ZDHHC1: variants seen among roughly 807,000 people sequenced by gnomAD.
ZDHHC1 encodes palmitoyltransferase ZDHHC1.
In ZDHHC1, 45 loss-of-function variants were observed where a neutral mutation model predicts 46.9. The observed-to-expected ratio is 0.96, with a 90% CI of 0.76 to 1.23. The LOEUF is 1.23. Ranked by LOEUF, ZDHHC1 falls within the 50% of genes most tolerant of loss-of-function variation. The pLI is 0.00. For missense variants in ZDHHC1, 649 were observed against 670.8 expected (o/e 0.97, Z 0.36); for synonymous variants, 291 against 286.0 (o/e 1.02, Z -0.18).
rs775156668 is a variant in ZDHHC1, at chr16:67,406,333, C to T, written c.119G>A (p.Arg40His). ...PSPELQGQRS[R>H]RNGWSWPPHP... is the part of the protein sequence containing the mutation. ...AGGGGGCCAGCTCCACCCATTCCGG[C>T]GGGATCGCTGGCCCTGCAGCTCAGG... Residue 40 changes from arginine (R) to histidine (H), a missense_variant, in exon 3 of 12, where the codon CGC becomes CAC. Coordinates refer to ENST00000565726, the MANE Select transcript of ZDHHC1 (RefSeq NM_001323627.2). The surrounding 1 kb of genome is among the most constrained non-coding windows in gnomAD (Gnocchi z 4.1). 29 of 1,595,970 alleles carry T rather than the reference C, an allele frequency of 1.8e-5. No homozygotes were observed. Among genetic ancestry groups the T allele is most frequent in the Non-Finnish European group, 2.3e-5 (27 of 1,171,498 alleles).
In ZDHHC1 at chr16:67,401,263, C is replaced by T. The variant is rs2040548952; in HGVS notation, c.253-131G>A. On this transcript the variant is annotated intron_variant, in intron 3 of 11. Coordinates refer to ENST00000565726, the MANE Select transcript of ZDHHC1 (RefSeq NM_001323627.2). The surrounding 1 kb of genome is among the most constrained non-coding windows in gnomAD (Gnocchi z 4.6). ...GATTCTCTGCCTCTGCCACCTCCTA[C>T]CTCCAGTCCCCCAAAGCCTCCTCAT... 1 of 1,261,606 alleles carries T rather than the reference C, an allele frequency of 7.9e-7. No individual in the cohort carries two copies. Among genetic ancestry groups the T allele is most frequent in the Non-Finnish European group, 1.1e-6 (1 of 927,190 alleles). 78.2% of individuals were successfully genotyped at this position (1,261,606 alleles called of 1,614,324 possible).
chr16:67,398,266 G>A lies in ZDHHC1; in HGVS notation c.873C>T (p.Ala291=). The change falls in exon 8 of 12, where the codon GCC becomes GCT. Residue 291 remains alanine, a synonymous_variant. Coordinates refer to ENST00000565726, the MANE Select transcript of ZDHHC1 (RefSeq NM_001323627.2). ...ACTCGAGCTCCCTGTGAACCCCCTT[G>A]GCCTCCTGTGGTGGGCGGTGCTGCA... ...YIVQHRPPQE[A]KGVHRELESC... is the part of the protein sequence containing the mutation. 1 of 1,614,102 alleles carries A rather than the reference G, an allele frequency of 6.2e-7. No individual in the cohort carries two copies.
chr16:67,411,498 T>C (rs1215902635), intron 1 of ZDHHC1, among the ~76,000 whole-genome samples: 1 of 152,240 alleles, frequency 6.6e-6, no homozygotes, highest in East Asian at 1.9e-4. Context: ...GTACTCATCT[T>C]TCAACAAAGT....
At position 67,398,570 on chromosome 16, in the gene ZDHHC1, T is replaced by C. The variant is rs764830821; in HGVS notation, c.814+3A>G. 3.1e-6 allele frequency: 5 copies of C among 1,596,154 alleles called. No homozygotes were observed. The highest frequency in any genetic ancestry group is 4.3e-6 in the Non-Finnish European group (5 of 1,173,980). On this transcript the variant is annotated splice_donor_region_variant and intron_variant, in intron 7 of 11. Transcript: ENST00000565726. Reference sequence around the variant, plus strand: ...CCAGAAGGCAGGTGCAGGAGGCACTTACTGAGATAAATGTGGAAGCAGAGC... The same window carrying C: ...CCAGAAGGCAGGTGCAGGAGGCACTCACTGAGATAAATGTGGAAGCAGAGC...
At position 67,406,890 on chromosome 16, in the gene ZDHHC1, G is replaced by C. The variant is rs2040671425; in HGVS notation, c.10-448C>G. Among the ~76,000 whole-genome samples, 1 of 152,164 alleles carries C rather than the reference G, an allele frequency of 6.6e-6. No homozygotes were observed. The highest frequency in any genetic ancestry group is 2.4e-5 in the African/African-American group (1 of 41,440). ...GTGTCAGACACCCCCGCTATCCTTTGCTCAGGGAAACGGGGAATGGGGTGC... is the reference window on the plus strand; with the variant it reads ...GTGTCAGACACCCCCGCTATCCTTTCCTCAGGGAAACGGGGAATGGGGTGC... On this transcript the variant is annotated intron_variant, in intron 2 of 11. Coordinates refer to ENST00000565726, the MANE Select transcript of ZDHHC1 (RefSeq NM_001323627.2). The surrounding 1 kb of genome is among the most constrained non-coding windows in gnomAD (Gnocchi z 4.1).
At chr16:67,395,739 C>G in intron 8 of ZDHHC1, 173 bp from the exon 9 acceptor site, 1 of 656,756 alleles carries the variant, frequency 1.5e-6, no homozygotes, top group African/African-American at 1.8e-5. Flanking sequence ...GCTTAAAACA[C>G]CCATTTCTGG....
chr16:67,404,777 T>A (rs1056567380), intron 3 of ZDHHC1: 24 of 453,420 alleles, frequency 5.3e-5, no homozygotes, highest in Middle Eastern at 3.3e-4. Flanking sequence ...AATGAGATCA[T>A]TCATGTAAAG....
chr16:67,395,305 C>T (rs2142219892), intron 9 of ZDHHC1, 25 bp from the exon 10 acceptor site: 1 of 1,508,074 alleles, frequency 6.6e-7, no homozygotes, highest in Non-Finnish European at 8.9e-7. Context: ...GGAGGGTAAG[C>T]CTGGGGCCTG....
In ZDHHC1 at chr16:67,398,693, GCAGGAACACGAAC is replaced by G; in HGVS notation, c.681_693del (p.Trp227CysfsTer104). 6.2e-7 allele frequency: 1 copy of G among 1,608,680 alleles called. No homozygotes were observed. Among genetic ancestry groups the G allele is most frequent in the South Asian group, 1.1e-5 (1 of 89,776 alleles). On this transcript the variant is annotated frameshift_variant, in exon 7 of 12. Transcript: ENST00000565726. LOFTEE classifies it high-confidence loss of function. ...GCCTGGGTCTCCACGGGGGCGGCAG[GCAGGAACACGAAC>G]CACACATCCGTGTGATTCTTCAGGA...
At chr16:67,394,955 C>T (rs775129382) in intron 11 of ZDHHC1, 47 bp downstream of exon 11, 12 of 1,574,362 alleles carry the variant, frequency 7.6e-6, no homozygotes, top group Non-Finnish European at 9.5e-6. Flanking sequence ...CTGCCTTCCC[C>T]TCCCTCGAGT....
Position 67,394,863 on chromosome 16 carries a change from G to C in ZDHHC1, c.1196C>G (p.Ser399Trp). ...GPRAPSRRSS[S>W]STDSADASPV... ...GCTGGCGTCCGCGGAATCCGTCGAC[G>C]AGCTGGAGCGGCGGCTGGGGGCCCT... Residue 399 changes from serine to tryptophan, a missense_variant, in exon 12 of 12, where the codon TCG (serine) becomes TGG (tryptophan). Transcript: ENST00000565726. The C allele has an allele frequency of 6.4e-7, 1 of 1,567,026 alleles. No individual in the cohort carries two copies. The highest frequency in any genetic ancestry group is 8.6e-7 in the Non-Finnish European group (1 of 1,158,806).
rs57605287 is a variant in ZDHHC1, at chr16:67,416,378, TGGCTCC to T, written c.-252_-247del. 0.048 allele frequency: 9,667 copies of T among 202,572 alleles called. 380 individuals carry two copies. The highest frequency in any genetic ancestry group is 0.12 in the African/African-American group (4,791 of 41,332). The allele number at this position is 202,572 out of a possible 1,614,324, so 12.5% of individuals were successfully genotyped here. On this transcript the variant is annotated 5_prime_UTR_variant, in exon 1 of 12. Coordinates refer to ENST00000565726, the MANE Select transcript of ZDHHC1 (RefSeq NM_001323627.2). ...CCGGTGAGTCCTCGAGCTCTGGCTC[TGGCTCC>T]GGCTCCGGCTCCGGCTCCGGCTCCG...
At chr16:67,407,257 G>GT (rs915803781) in intron 2 of ZDHHC1, among the ~76,000 whole-genome samples, 1 of 152,174 alleles carries the variant, frequency 6.6e-6, no homozygotes, top group African/African-American at 2.4e-5. Context: ...GCAAGAAGGG[G>GT]TAGGCTACAG....
At position 67,398,329 on chromosome 16, in the gene ZDHHC1, TG is replaced by T. The variant is rs1404566650; in HGVS notation, c.815-6del. ...AGGTGGTGAGCTTGTGCCACACTGG[TG>T]GGGGGAGGAGAGGGCTCAGTGCGGT... On this transcript the variant is annotated splice_polypyrimidine_tract_variant and splice_region_variant and intron_variant, in intron 7 of 11. Coordinates refer to ENST00000565726, the MANE Select transcript of ZDHHC1 (RefSeq NM_001323627.2). 1 of 1,611,522 alleles carries T rather than the reference TG, an allele frequency of 6.2e-7. No homozygotes were observed.
chr16:67,400,924 A>T (rs759261698), intron 4 of ZDHHC1, 33 bp downstream of exon 4: 1 of 1,605,784 alleles, frequency 6.2e-7, no homozygotes, highest in East Asian at 2.2e-5. Context: ...CCCACAGCAC[A>T]CTCGGCAGCC....
chr16:67,412,123 C>CA (rs2040757076), intron 1 of ZDHHC1, among the ~76,000 whole-genome samples: 1 of 150,128 alleles, frequency 6.7e-6, no homozygotes, highest in African/African-American at 2.4e-5. Context: ...AAAAAAAAAA[C>CA]AAAAAAAGGC....
rs2040406724 is a variant in ZDHHC1 at position 67,395,296 on chromosome 16, G to A, written c.1011-16C>T. ...CTGGGAGGGACTGAGGGGGAAGCAGGAGGGTAAGCCTGGGGCCTGTTCCCC... is the reference window on the plus strand; with the variant it reads ...CTGGGAGGGACTGAGGGGGAAGCAGAAGGGTAAGCCTGGGGCCTGTTCCCC... On this transcript the variant is annotated splice_polypyrimidine_tract_variant and intron_variant, in intron 9 of 11. Transcript: ENST00000565726. 6.6e-7 allele frequency: 1 copy of A among 1,523,764 alleles called. No homozygotes were observed. Among genetic ancestry groups the A allele is most frequent in the South Asian group, 1.2e-5 (1 of 80,248 alleles). 94.4% of individuals were successfully genotyped at this position (1,523,764 alleles called of 1,614,324 possible). A position where few individuals can be genotyped will look rare whatever the true frequency, so the allele number is the denominator to read the frequency against.
chr16:67,400,399 G>C (rs981758663), intron 4 of ZDHHC1, among the ~76,000 whole-genome samples: 3 of 152,202 alleles, frequency 2.0e-5, no homozygotes, highest in Non-Finnish European at 2.9e-5. Context: ...CTCCATGTTA[G>C]CAGAGGGACC....
Position 67,406,582 on chromosome 16 carries a change from C to A in ZDHHC1, c.10-140G>T, listed in dbSNP as rs2040665573. The stretch of plus-strand genomic sequence containing the variant: ...TGCTGGGGAAACTGGGGTCCTAGCA[C>A]AATAGAGATGGGCAGTGGGGAGAGG... On this transcript the variant is annotated intron_variant, in intron 2 of 11. Transcript: ENST00000565726. This position sits in a 1 kb window ranked among gnomAD's most constrained non-coding sequence, Gnocchi z 4.1. The A allele has an allele frequency of 9.0e-7, 1 of 1,113,678 alleles. No homozygotes were observed. The highest frequency in any genetic ancestry group is 3.0e-5 in the Admixed American group (1 of 33,256). The allele number at this position is 1,113,678 out of a possible 1,614,324, so 69.0% of individuals were successfully genotyped here. A position where few individuals can be genotyped will look rare whatever the true frequency, so the allele number is the denominator to read the frequency against.
Sources: gnomAD v4.1 joint callset for allele counts (sites outside exome capture counted in the v4.1 genomes callset) on GRCh38, gnomAD v4.1.1 for gene constraint, Gnocchi (gnomAD v3.1) non-coding constraint, MANE v1.5 for transcripts, NCBI Gene and HGNC (gene_info 2026-07-23, HGNC 2026-07-21) for gene names.